ACVR1: variants seen among roughly 807,000 people sequenced by gnomAD.
ACVR1 encodes activin receptor type-1.
ACVR1 carries 38 observed loss-of-function variants against 57.1 expected under a neutral mutation model. That is an observed-to-expected ratio of 0.67 (90% CI 0.51 to 0.87). The LOEUF is 0.87. ACVR1 is among the 40% of genes least tolerant of loss of function. The pLI is 0.00. For synonymous variants in ACVR1, 212 were observed against 228.1 expected (o/e 0.93, Z 0.63); for missense variants, 463 against 638.2 (o/e 0.73, Z 2.96).
intron 2 of ACVR1, among the ~76,000 whole-genome samples, chr2:157,800,553 AC>A (rs1275622549): frequency 6.6e-6 from 1 of 151,764 alleles, no homozygotes; most frequent in Non-Finnish European, 1.5e-5. Context: ...ATATCTTACC[AC>A]CCTTCACTTA....
intron 2 of ACVR1, among the ~76,000 whole-genome samples, chr2:157,811,813 A>G (rs1687760697): frequency 6.8e-6 from 1 of 147,296 alleles, no homozygotes. Flanking sequence ...CAACAAAAAG[A>G]AGGAGAATGG....
Position 157,833,071 on chromosome 2 carries a change from A to C in ACVR1, c.-182-14512T>G, listed in dbSNP as rs548410798. Among the ~76,000 whole-genome samples, 6 of 152,344 alleles carry C rather than the reference A, an allele frequency of 3.9e-5. No homozygotes were observed. In the South Asian group the frequency reaches 1.2e-3, roughly 32 times the overall value. ...GTGTGTATAAACCCACACATATATA[A>C]GCCTTTTGTCACACATTTCTACCCT... is the stretch of plus-strand genomic sequence containing the variant. On this transcript the variant is annotated intron_variant, in intron 1 of 10. Coordinates refer to ENST00000434821, the MANE Select transcript of ACVR1 (RefSeq NM_001111067.4).
chr2:157,837,758 T>C (rs1015827709), intron 1 of ACVR1, among the ~76,000 whole-genome samples: 4 of 152,008 alleles, frequency 2.6e-5, no homozygotes, highest in Non-Finnish European at 4.4e-5. Context: ...ACAGTGAGCA[T>C]TAAGAGGGGC....
chr2:157,787,768 CTG>C (rs1394382458), intron 3 of ACVR1, among the ~76,000 whole-genome samples: 1 of 152,178 alleles, frequency 6.6e-6, no homozygotes, highest in Non-Finnish European at 1.5e-5. Context: ...GGGCTCTACA[CTG>C]AGAATTTTGG....
chr2:157,766,596 G>A (rs2105261235), intron 7 of ACVR1, among the ~76,000 whole-genome samples: 1 of 152,274 alleles, frequency 6.6e-6, no homozygotes, highest in Middle Eastern at 3.4e-3. Context: ...CTGTATTCTA[G>A]TCCTGACTCT....
At chr2:157,767,499 G>A (rs1685910504) in intron 7 of ACVR1, among the ~76,000 whole-genome samples, 1 of 152,000 alleles carries the variant, frequency 6.6e-6, no homozygotes. Flanking sequence ...GAACCACGCT[G>A]GTAGACAGTG....
At chr2:157,874,579 C>T (rs1239154428) in intron 1 of ACVR1, among the ~76,000 whole-genome samples, 1 of 152,188 alleles carries the variant, frequency 6.6e-6, no homozygotes, top group Non-Finnish European at 1.5e-5. Context: ...ATCAGCCCAT[C>T]TCTGAAATTT....
chr2:157,752,396 A>C (rs1685238098), intron 9 of ACVR1, among the ~76,000 whole-genome samples: 1 of 152,196 alleles, frequency 6.6e-6, no homozygotes, highest in African/African-American at 2.4e-5. Flanking sequence ...TGACAAAACA[A>C]GGTTCTTTAA....
chr2:157,865,628 C>A (rs766484513), intron 1 of ACVR1, among the ~76,000 whole-genome samples: 1 of 151,668 alleles, frequency 6.6e-6, no homozygotes, highest in African/African-American at 2.4e-5. Flanking sequence ...CCTGTCTCTA[C>A]TTAAAAATAA....
At chr2:157,812,969 T>G (rs1299389050) in intron 2 of ACVR1, among the ~76,000 whole-genome samples, 1 of 152,184 alleles carries the variant, frequency 6.6e-6, no homozygotes, top group East Asian at 1.9e-4. Context: ...GCAACACTAT[T>G]GTCAAATAAG....
chr2:157,857,415 GA>G (rs781556296), intron 1 of ACVR1, among the ~76,000 whole-genome samples: 1 of 150,910 alleles, frequency 6.6e-6, no homozygotes, highest in East Asian at 1.9e-4. Context: ...AAAAAAAGAA[GA>G]AGATACCCTT....
chr2:157,784,402 G>A (rs780239622), intron 3 of ACVR1, among the ~76,000 whole-genome samples: 2 of 152,242 alleles, frequency 1.3e-5, no homozygotes, highest in Non-Finnish European at 2.9e-5. Context: ...TTGCCTGTGC[G>A]AATATCCAGG....
rs1648295635 is a variant in ACVR1 at position 157,759,758 on chromosome 2, T to C, written c.1264+1122A>G. On this transcript the variant is annotated intron_variant, in intron 9 of 10. Coordinates refer to ENST00000434821, the MANE Select transcript of ACVR1 (RefSeq NM_001111067.4). ...GATAACACATCATGATTAAGTGGGATTTATTCTTGGGATGCAAGGAAGGTT... is the reference window on the plus strand; with the variant it reads ...GATAACACATCATGATTAAGTGGGACTTATTCTTGGGATGCAAGGAAGGTT... Among the ~76,000 whole-genome samples the C allele has an allele frequency of 3.9e-5, 6 of 152,150 alleles. No homozygotes were observed. In the South Asian group the frequency reaches 8.3e-4, roughly 21 times the overall value.
chr2:157,814,981 T>C (rs1687881334), intron 2 of ACVR1, among the ~76,000 whole-genome samples: 1 of 151,806 alleles, frequency 6.6e-6, no homozygotes, highest in African/African-American at 2.4e-5. Context: ...CCCAGCTAAT[T>C]GGGAGGCTGA....
At chr2:157,819,830 C>G (rs1450671426) in intron 1 of ACVR1, among the ~76,000 whole-genome samples, 1 of 152,150 alleles carries the variant, frequency 6.6e-6, no homozygotes, top group Non-Finnish European at 1.5e-5. Context: ...CAACATTTGC[C>G]AAAGGAAGAG....
At chr2:157,746,378 C>T (rs868651456) in intron 9 of ACVR1, among the ~76,000 whole-genome samples, 59 of 152,128 alleles carry the variant, frequency 3.9e-4, no homozygotes, top group African/African-American at 1.3e-3. Context: ...GAGAGTATGA[C>T]GTCAGACTCT....
At chr2:157,828,762 TTTTG>T (rs144178472) in intron 1 of ACVR1, among the ~76,000 whole-genome samples, 15,471 of 151,970 alleles carry the variant, frequency 0.1, 2,177 homozygotes, top group African/African-American at 0.32. Flanking sequence ...TTTTTTGTTT[TTTTG>T]TTTGTTTGTT....
In ACVR1 at chr2:157,766,267, C is replaced by A. The variant is rs758317213; in HGVS notation, c.791-71G>T. The A allele has an allele frequency of 1.2e-5, 18 of 1,468,906 alleles. No homozygotes were observed. The Middle Eastern group carries it at 6.9e-4, about 57-fold the overall frequency. The allele number at this position is 1,468,906 out of a possible 1,614,324, so 91.0% of individuals were successfully genotyped here. A position where few individuals can be genotyped will look rare whatever the true frequency, so the allele number is the denominator to read the frequency against. ...TATAACTTAAAGTATTTAGAAATAG[C>A]GACCTACACAGTAAATGTCATCTGT... On this transcript the variant is annotated intron_variant, in intron 7 of 10. Transcript: ENST00000434821.
intron 1 of ACVR1, among the ~76,000 whole-genome samples, chr2:157,828,708 C>T (rs1335467112): frequency 2.0e-5 from 3 of 152,150 alleles, no homozygotes; most frequent in Admixed American, 6.5e-5. Context: ...TAACATAATA[C>T]TTTTTATTTA....
Sources: allele counts gnomAD v4.1 joint callset (sites outside exome capture counted in the v4.1 genomes callset), GRCh38; gene constraint gnomAD v4.1.1; transcripts MANE v1.5; gene names NCBI Gene and HGNC (gene_info 2026-07-23, HGNC 2026-07-21).